KIF1B: variants seen among roughly 807,000 people sequenced by gnomAD.
KIF1B encodes kinesin-like protein KIF1B.
A neutral mutation model predicts 241.9 loss-of-function variants in KIF1B; 76 were observed. The ratio of observed to expected loss-of-function variants is 0.31; its 90% confidence interval spans 0.26 to 0.38. The LOEUF (loss-of-function observed/expected upper bound fraction) is 0.38. Ranked by LOEUF, KIF1B falls within the 10% of genes least tolerant of loss-of-function variation. The pLI is 1.00. For synonymous variants in KIF1B, 750 were observed against 796.7 expected, an observed-to-expected ratio of 0.94 and a Z score of 0.99; for missense variants, 1,622 against 2,271.4, an observed-to-expected ratio of 0.71 and a Z score of 5.81.
intron 5 of KIF1B, among the ~76,000 whole-genome samples, chr1:10,265,425 G>T (rs1463222305): frequency 6.6e-6 from 1 of 151,804 alleles, no homozygotes; most frequent in Non-Finnish European, 1.5e-5. Flanking sequence ...TGGTAGAAGT[G>T]GGGTTTTACC....
intron 2 of KIF1B, among the ~76,000 whole-genome samples, chr1:10,235,629 G>C (rs888304499): frequency 1.3e-5 from 2 of 151,888 alleles, no homozygotes; most frequent in African/African-American, 4.8e-5. Context: ...GGGAGGCCGA[G>C]GTGGGTGGAT....
At chr1:10,324,122 A>C (rs1651630577) in intron 25 of KIF1B, 60 bp downstream of exon 25, 1 of 1,526,542 alleles carries the variant, frequency 6.6e-7, no homozygotes, top group Non-Finnish European at 9.1e-7. Context: ...GACCTGCTCA[A>C]GTGAGCTCCC....
chr1:10,324,089 T>A (rs184797150), intron 25 of KIF1B, 27 bp downstream of exon 25: 2 of 1,611,096 alleles, frequency 1.2e-6, no homozygotes, highest in Non-Finnish European at 1.7e-6. Flanking sequence ...AAAGGCTGGT[T>A]GTTTTATTTA....
chr1:10,253,564 G>A lies in KIF1B; in HGVS notation c.107-2683G>A, dbSNP rs538008812. Among the ~76,000 whole-genome samples, 6 of 152,236 alleles carry A rather than the reference G, an allele frequency of 3.9e-5. No individual in the cohort carries two copies. In the South Asian group the frequency reaches 1.2e-3, roughly 32 times the overall value. On this transcript the variant is annotated intron_variant, in intron 2 of 48. Transcript: ENST00000676179. ...AGGCTGAGGTGGGAGGATCACTGGA[G>A]CCCAGGAGGTTGAGTCTGTAGTGAA...
intron 2 of KIF1B, among the ~76,000 whole-genome samples, chr1:10,239,389 TTTCTA>T (rs948094343): frequency 1.1e-4 from 17 of 152,114 alleles, no homozygotes; most frequent in Admixed American, 9.8e-4. Context: ...TTTTCTGATT[TTTCTA>T]TTCTATTGCT....
intron 23 of KIF1B, among the ~76,000 whole-genome samples, chr1:10,320,344 G>A (rs1162661328): frequency 6.6e-6 from 1 of 152,150 alleles, no homozygotes; most frequent in Non-Finnish European, 1.5e-5. Context: ...GGGAGTGATG[G>A]TGTTCTTAGA....
At chr1:10,263,434 G>GA (rs1011659728) in intron 5 of KIF1B, among the ~76,000 whole-genome samples, 1 of 148,268 alleles carries the variant, frequency 6.7e-6, no homozygotes, top group Non-Finnish European at 1.5e-5. Flanking sequence ...AGTCTGTTTT[G>GA]AAAAAATAGG....
chr1:10,235,936 C>G (rs948828353), intron 2 of KIF1B, among the ~76,000 whole-genome samples: 16 of 150,304 alleles, frequency 1.1e-4, no homozygotes, highest in Admixed American at 8.6e-4. Flanking sequence ...TGATGATATT[C>G]CATTTAAGCT....
At chr1:10,367,012 AT>A (rs1490797276) in intron 43 of KIF1B, among the ~76,000 whole-genome samples, 1 of 152,092 alleles carries the variant, frequency 6.6e-6, no homozygotes, top group African/African-American at 2.4e-5. Context: ...AAGAGAATGG[AT>A]TGATGGTGAA....
chr1:10,278,175 G>C, intron 13 of KIF1B, 47 bp downstream of exon 13: 1 of 1,585,522 alleles, frequency 6.3e-7, no homozygotes, highest in Non-Finnish European at 8.7e-7. Context: ...TTCTTCTTCA[G>C]GGTTCTTATT....
At chr1:10,339,744 G>A (rs779552106) in intron 31 of KIF1B, 25 bp from the exon 32 acceptor site, 1 of 1,598,834 alleles carries the variant, frequency 6.3e-7, no homozygotes, top group South Asian at 1.1e-5. Context: ...CATTGTTCAC[G>A]AGTCTTTTTA....
intron 1 of KIF1B, among the ~76,000 whole-genome samples, chr1:10,220,965 A>AT (rs1646837582): frequency 6.6e-6 from 1 of 151,382 alleles, no homozygotes; most frequent in African/African-American, 2.4e-5. Flanking sequence ...GCCTAGCCAG[A>AT]TAGTAGTTAA....
chr1:10,259,206 T>C (rs1486062892), intron 4 of KIF1B, among the ~76,000 whole-genome samples: 7 of 152,052 alleles, frequency 4.6e-5, no homozygotes, highest in Non-Finnish European at 8.8e-5. Context: ...CCTTTATTGT[T>C]TGGGAATGAA....
Position 10,282,417 on chromosome 1 carries a change from A to G in KIF1B, c.1318A>G (p.Thr440Ala). ...TTCCACAGCATCCATGGGGTCCCTC[A>G]CTTCATCCCCATCTTCCTGCTCACT... The part of the protein sequence containing the change: ...HFSTASMGSL[T>A]SSPSSCSLSS... The change falls in exon 15 of 49, where the codon ACT becomes GCT. Residue 440 changes from threonine (T) to alanine (A), a missense_variant. Thr to Ala is a moderately conservative substitution (Grantham distance 58). Transcript: ENST00000676179. 6.2e-7 allele frequency: 1 copy of G among 1,614,074 alleles called. No individual in the cohort carries two copies. The highest frequency in any genetic ancestry group is 1.7e-4 in the Middle Eastern group (1 of 6,060).
chr1:10,272,157 A>G lies in KIF1B; in HGVS notation c.799-84A>G, dbSNP rs954330867. The G allele has an allele frequency of 4.4e-6, 4 of 905,612 alleles. No homozygotes were observed. The African/African-American group carries it at 6.5e-5, about 15-fold the overall frequency. The allele number at this position is 905,612 out of a possible 1,614,324, so 56.1% of individuals were successfully genotyped here. On this transcript the variant is annotated intron_variant, in intron 8 of 48. Transcript: ENST00000676179. ...TTGTAATAAAGAAATATGCTAGCAT[A>G]TGGCAAATCATATTTTATGTTCTGT...
At chr1:10,249,996 A>C (rs1041700983) in intron 2 of KIF1B, among the ~76,000 whole-genome samples, 6 of 151,984 alleles carry the variant, frequency 3.9e-5, no homozygotes, top group Middle Eastern at 3.2e-3. Context: ...TTTTTTGTGG[A>C]GATGGGGTCT....
Position 10,233,431 on chromosome 1 carries a change from A to G in KIF1B, c.106+997A>G, listed in dbSNP as rs527383099. Among the ~76,000 whole-genome samples the G allele has an allele frequency of 3.9e-5, 6 of 152,228 alleles. No homozygotes were observed. In the South Asian group the frequency reaches 1.2e-3, roughly 32 times the overall value. On this transcript the variant is annotated intron_variant, in intron 2 of 48. Coordinates refer to ENST00000676179, the MANE Select transcript of KIF1B (RefSeq NM_001365951.3). ...AGGAGTTGAGGCTGCAGTGAGCTGT[A>G]TTCATGTCACTGCACTCCAGACTTG...
At chr1:10,357,027 G>A (rs774005159) in intron 38 of KIF1B, among the ~76,000 whole-genome samples, 3 of 152,084 alleles carry the variant, frequency 2.0e-5, no homozygotes, top group Non-Finnish European at 2.9e-5. Context: ...CTCCAGACAC[G>A]TGCCACCATG....
At chr1:10,340,517 G>T (rs1371449418) in intron 32 of KIF1B, among the ~76,000 whole-genome samples, 1 of 152,188 alleles carries the variant, frequency 6.6e-6, no homozygotes, top group Admixed American at 6.5e-5. Flanking sequence ...GATAATCCCT[G>T]TGTTAGCTGA....
Sources: gnomAD v4.1 joint callset for allele counts (sites outside exome capture counted in the v4.1 genomes callset) on GRCh38, gnomAD v4.1.1 for gene constraint, MANE v1.5 for transcripts, NCBI Gene and HGNC (gene_info 2026-07-23, HGNC 2026-07-21) for gene names.